Variants in DOCK5 observed in about 807,000 individuals in gnomAD.
DOCK5 encodes dedicator of cytokinesis protein 5.
DOCK5 carries 142 observed loss-of-function variants against 251.8 expected under a neutral mutation model. The ratio of observed to expected loss-of-function variants is 0.56; its 90% CI spans 0.49 to 0.65. DOCK5 has a LOEUF of 0.65. Among genes scored for constraint, DOCK5 ranks in the 30% least tolerant of loss-of-function variants. The pLI, the probability that DOCK5 is intolerant of heterozygous loss-of-function variation, is 0.00. For missense variants in DOCK5, 2,111 were observed against 2,312.3 expected (o/e 0.91, Z 1.79); for synonymous variants, 842 against 835.5 (o/e 1.01, Z -0.13).
At chr8:25,408,764 C>G in intron 49 of DOCK5, 38 bp from the exon 50 acceptor site, 1 of 1,610,484 alleles carries the variant, frequency 6.2e-7, no homozygotes, top group Non-Finnish European at 8.5e-7. Flanking sequence ...CAGCCTTCCT[C>G]ACCGTGAAAA....
chr8:25,304,473 G>C (rs1008655821), intron 11 of DOCK5, 146 bp downstream of exon 11: 2 of 653,360 alleles, frequency 3.1e-6, no homozygotes, highest in East Asian at 3.1e-5. Context: ...GAGCTGAACA[G>C]AAGACTTTAT....
chr8:25,384,858 G>A (rs891561965), intron 40 of DOCK5, among the ~76,000 whole-genome samples: 7 of 152,184 alleles, frequency 4.6e-5, no homozygotes, highest in Admixed American at 6.5e-5. Context: ...ACTTGAGCTC[G>A]GGAGGCAGAA....
chr8:25,246,755 T>A, intron 2 of DOCK5, among the ~76,000 whole-genome samples: 1 of 110,594 alleles, frequency 9.0e-6, no homozygotes, highest in South Asian at 2.9e-4. Context: ...TGTGTGTGTG[T>A]GGCGGGGGCG....
intron 39 of DOCK5, among the ~76,000 whole-genome samples, chr8:25,382,322 G>A (rs1434569463): frequency 6.6e-6 from 1 of 152,170 alleles, no homozygotes; most frequent in Non-Finnish European, 1.5e-5. Context: ...GTTAAGTGCA[G>A]CCGCCTTCTG....
At chr8:25,322,559 T>C (rs1364549306) in intron 16 of DOCK5, among the ~76,000 whole-genome samples, 2 of 152,230 alleles carry the variant, frequency 1.3e-5, no homozygotes, top group East Asian at 3.8e-4. Context: ...TGGTTCTGCA[T>C]AATAACTAAC....
intron 27 of DOCK5, among the ~76,000 whole-genome samples, chr8:25,353,452 T>G (rs898484540): frequency 2.0e-4 from 30 of 152,334 alleles, no homozygotes; most frequent in African/African-American, 7.0e-4. Flanking sequence ...TAGTCCTACA[T>G]CTTTTTCTCA....
At chr8:25,277,020 G>C (rs1804057683) in intron 4 of DOCK5, 1 of 152,348 alleles carries the variant, frequency 6.6e-6, no homozygotes, top group African/African-American at 2.4e-5. Context: ...TTTACTTTGT[G>C]TGGGAGCCGA....
intron 47 of DOCK5, among the ~76,000 whole-genome samples, chr8:25,402,110 G>A (rs1252988533): frequency 4.0e-5 from 6 of 151,842 alleles, no homozygotes; most frequent in Non-Finnish European, 8.8e-5. Context: ...TCTCTTTAAT[G>A]GTCTTATTCT....
At chr8:25,210,062 G>GTA (rs1802095243) in intron 1 of DOCK5, among the ~76,000 whole-genome samples, 1 of 25,724 alleles carries the variant, frequency 3.9e-5, no homozygotes, top group African/African-American at 1.3e-4. Context: ...GTGTGTGTGT[G>GTA]TGTGTGTATC....
intron 1 of DOCK5, among the ~76,000 whole-genome samples, chr8:25,208,255 A>T (rs1802048928): frequency 6.6e-6 from 1 of 152,218 alleles, no homozygotes; most frequent in Non-Finnish European, 1.5e-5. Context: ...ATTGTTGACA[A>T]CCAAGGATTT....
chr8:25,234,834 G>A (rs1802754364), intron 1 of DOCK5, among the ~76,000 whole-genome samples: 2 of 152,208 alleles, frequency 1.3e-5, no homozygotes, highest in South Asian at 4.1e-4. Context: ...AAAGACATCT[G>A]CATTTCATTG....
intron 1 of DOCK5, among the ~76,000 whole-genome samples, chr8:25,198,508 G>A (rs1327134434): frequency 6.6e-6 from 1 of 151,882 alleles, no homozygotes; most frequent in Non-Finnish European, 1.5e-5. Context: ...GGAGGCAGAC[G>A]TTGCAGTAAG....
At chr8:25,201,872 A>C (rs1047731121) in intron 1 of DOCK5, among the ~76,000 whole-genome samples, 1 of 152,144 alleles carries the variant, frequency 6.6e-6, no homozygotes, top group Non-Finnish European at 1.5e-5. Context: ...AGTGGGGCTG[A>C]TTACCAAGTA....
chr8:25,368,478 C>T, intron 32 of DOCK5, 93 bp from the exon 33 acceptor site: 1 of 1,428,528 alleles, frequency 7.0e-7, no homozygotes, highest in Non-Finnish European at 9.4e-7. Flanking sequence ...TTGTTTTAAC[C>T]TTTTCTTTTC....
At chr8:25,283,812 A>C (rs973551076) in intron 5 of DOCK5, among the ~76,000 whole-genome samples, 6 of 152,178 alleles carry the variant, frequency 3.9e-5, no homozygotes, top group Admixed American at 3.3e-4. Flanking sequence ...GGCCCGGGTC[A>C]TTCCAAAATA....
rs532709931 is a variant in DOCK5 at position 25,314,634 on chromosome 8, C to A, written c.1319-2373C>A. On this transcript the variant is annotated intron_variant, in intron 13 of 51. Transcript: ENST00000276440. ...ATCCACCTACCCATCCAACCGTCCA[C>A]CTATCTATCTAACCGTCCACCTATC... 3.5e-4 allele frequency among the ~76,000 whole-genome samples: 50 copies of A among 141,834 alleles called. 1 individual carries two copies. The highest frequency in any genetic ancestry group is 7.2e-3 in the Middle Eastern group (2 of 276). The allele number at this position is 141,834 out of a possible 152,430, so 93.0% of individuals were successfully genotyped here.
chr8:25,334,565 G>A lies in DOCK5; in HGVS notation c.2192+369G>A, dbSNP rs865921624. Among the ~76,000 whole-genome samples the A allele has an allele frequency of 2.6e-5, 4 of 152,044 alleles. No individual in the cohort carries two copies. In the South Asian group the frequency reaches 6.2e-4, roughly 24 times the overall value. On this transcript the variant is annotated intron_variant, in intron 21 of 51. Coordinates refer to ENST00000276440, the MANE Select transcript of DOCK5 (RefSeq NM_024940.8). ...ATCTTTACAAAAAATTAAAAAGTTA[G>A]CCAGGTGTGGTGACACACACCTGTA... is the stretch of plus-strand genomic sequence containing the variant.
chr8:25,359,121 T>C, intron 28 of DOCK5, 60 bp downstream of exon 28: 2 of 1,447,872 alleles, frequency 1.4e-6, no homozygotes, highest in Non-Finnish European at 1.9e-6. Flanking sequence ...TTTAAAAAAA[T>C]GACTGAAGCT....
In DOCK5 at chr8:25,325,988, A is replaced by G. The variant is rs554776098; in HGVS notation, c.1903+441A>G. On this transcript the variant is annotated intron_variant, in intron 18 of 51. Coordinates refer to ENST00000276440, the MANE Select transcript of DOCK5 (RefSeq NM_024940.8). ...TGTTTGAGTTCTGTCCTTCCCTCCTATATTCTCTTCTTTCCCATTTTTTTC... is the reference window on the plus strand; with the variant it reads ...TGTTTGAGTTCTGTCCTTCCCTCCTGTATTCTCTTCTTTCCCATTTTTTTC... 1.1e-4 allele frequency among the ~76,000 whole-genome samples: 16 copies of G among 152,014 alleles called. 1 individual carries two copies. In the South Asian group the frequency reaches 2.5e-3, roughly 24 times the overall value.
Sources: allele counts gnomAD v4.1 joint callset (sites outside exome capture counted in the v4.1 genomes callset), GRCh38; gene constraint gnomAD v4.1.1; transcripts MANE v1.5; gene names NCBI Gene and HGNC (gene_info 2026-07-23, HGNC 2026-07-21).